The following NEK1 variants were observed in gnomAD, a reference collection of about 807,000 sequenced individuals.
NEK1 encodes serine/threonine-protein kinase Nek1.
NEK1 carries 137 observed loss-of-function variants against 182.1 expected under a neutral mutation model. The ratio of observed to expected loss-of-function variants is 0.75; its 90% confidence interval spans 0.65 to 0.87. The LOEUF is 0.87. Among genes scored for constraint, NEK1 ranks in the 40% least tolerant of loss-of-function variants. The pLI, the probability that NEK1 is intolerant of heterozygous loss-of-function variation, is 0.00. For synonymous variants in NEK1, 513 were observed against 492.2 expected (o/e 1.04, Z -0.56); for missense variants, 1,391 against 1,494.4 (o/e 0.93, Z 1.14).
At chr4:169,574,585 C>T (rs1269219788) in intron 12 of NEK1, among the ~76,000 whole-genome samples, 8 of 142,588 alleles carry the variant, frequency 5.6e-5, no homozygotes, top group African/African-American at 1.3e-4. Context: ...CCAGCCTGGG[C>T]GACAGAGGGA....
chr4:169,545,192 A>C (rs1580647378), intron 18 of NEK1, among the ~76,000 whole-genome samples: 2 of 127,652 alleles, frequency 1.6e-5, no homozygotes, highest in African/African-American at 2.9e-5. Flanking sequence ...TCCCAATGCT[A>C]TCCCTCCCCC....
intron 19 of NEK1, among the ~76,000 whole-genome samples, chr4:169,531,117 A>T (rs1757607346): frequency 6.6e-6 from 1 of 151,932 alleles, no homozygotes; most frequent in Non-Finnish European, 1.5e-5. Context: ...AGGCATTAAG[A>T]AATTGTAGCC....
chr4:169,599,374 A>C (rs1418115885), intron 4 of NEK1, among the ~76,000 whole-genome samples, 177 bp from the exon 5 acceptor site: 1 of 152,232 alleles, frequency 6.6e-6, no homozygotes, highest in Non-Finnish European at 1.5e-5. Flanking sequence ...ATAATGACTT[A>C]GGTTAACAGA....
intron 4 of NEK1, among the ~76,000 whole-genome samples, chr4:169,601,040 G>A (rs917909283): frequency 1.3e-5 from 2 of 152,122 alleles, no homozygotes; most frequent in South Asian, 4.1e-4. Flanking sequence ...GAAAATTCAA[G>A]GTCCTGAAAA....
chr4:169,588,971 A>G (rs1767980478), intron 7 of NEK1, among the ~76,000 whole-genome samples: 1 of 152,212 alleles, frequency 6.6e-6, no homozygotes, highest in Admixed American at 6.5e-5. Flanking sequence ...ACTCTACAGT[A>G]GCATACAGAA....
intron 27 of NEK1, among the ~76,000 whole-genome samples, chr4:169,456,602 A>G (rs2149483406): frequency 6.6e-6 from 1 of 152,362 alleles, no homozygotes; most frequent in South Asian, 2.1e-4. Context: ...AATAGATTGG[A>G]AAACTTAGAA....
intron 5 of NEK1, among the ~76,000 whole-genome samples, chr4:169,591,627 C>T (rs1768526265): frequency 6.6e-6 from 1 of 151,936 alleles, no homozygotes; most frequent in South Asian, 2.1e-4. Context: ...GGCTTAATTT[C>T]TATCTCATTG....
chr4:169,451,672 C>T (rs9759620), intron 27 of NEK1, among the ~76,000 whole-genome samples: 4,755 of 152,172 alleles, frequency 0.031, 192 homozygotes, highest in African/African-American at 0.087. Flanking sequence ...TAAATGCCCA[C>T]AAGAGAAAGC....
chr4:169,507,069 A>C lies in NEK1; in HGVS notation c.1975T>G (p.Tyr659Asp), dbSNP rs1334644904. 6.2e-7 allele frequency: 1 copy of C among 1,609,990 alleles called. No individual in the cohort carries two copies. Among genetic ancestry groups the C allele is most frequent in the Admixed American group, 1.7e-5 (1 of 59,878 alleles). Residue 659 changes from tyrosine to aspartate, a missense_variant, in exon 23 of 36, where the codon TAT (tyrosine) becomes GAT (aspartate). Physicochemically the swap from Tyr to Asp is radical, Grantham distance 160. Coordinates refer to ENST00000507142, the MANE Select transcript of NEK1 (RefSeq NM_001199397.3). ...EQLERKRKEA[Y>D]EREKKVWEEH... ...TCCCACACTTTTTTTTCTCTCTCAT[A>C]AGCCTCCTTTCTCTTTCGTTCTAGT... is the stretch of plus-strand genomic sequence containing the variant.
At chr4:169,592,600 T>G (rs1402569299) in intron 5 of NEK1, among the ~76,000 whole-genome samples, 1 of 152,094 alleles carries the variant, frequency 6.6e-6, no homozygotes, top group African/African-American at 2.4e-5. Context: ...TTAACAGTGT[T>G]TACCTCAGGG....
At chr4:169,440,798 T>C (rs1478961846) in intron 27 of NEK1, among the ~76,000 whole-genome samples, 2 of 152,186 alleles carry the variant, frequency 1.3e-5, no homozygotes, top group Non-Finnish European at 2.9e-5. Context: ...TCAAGCGCCC[T>C]GAGACTAGTA....
chr4:169,598,980 A>C, intron 5 of NEK1, 120 bp downstream of exon 5: 1 of 705,826 alleles, frequency 1.4e-6, no homozygotes, highest in Non-Finnish European at 2.4e-6. Flanking sequence ...CTATTGATAT[A>C]CTAAACTTCC....
At chr4:169,581,336 T>C (rs1474255160) in intron 10 of NEK1, among the ~76,000 whole-genome samples, 1 of 152,058 alleles carries the variant, frequency 6.6e-6, no homozygotes, top group Non-Finnish European at 1.5e-5. Context: ...GAGACAACAA[T>C]GGCTCACTGC....
chr4:169,585,640 T>C (rs1362178638), intron 9 of NEK1, 91 bp from the exon 10 acceptor site: 10 of 782,580 alleles, frequency 1.3e-5, no homozygotes, highest in Non-Finnish European at 2.0e-5. Flanking sequence ...TTCCTACCAA[T>C]ATAGAATAGA....
chr4:169,585,727 G>A (rs1402031745), intron 9 of NEK1, among the ~76,000 whole-genome samples, 178 bp from the exon 10 acceptor site: 2 of 151,942 alleles, frequency 1.3e-5, no homozygotes, highest in Non-Finnish European at 2.9e-5. Flanking sequence ...ATTAATATCA[G>A]CCCTCAAAAA....
intron 31 of NEK1, among the ~76,000 whole-genome samples, chr4:169,413,728 T>C (rs1436244117): frequency 6.6e-6 from 1 of 152,160 alleles, no homozygotes; most frequent in Non-Finnish European, 1.5e-5. Context: ...GAGACAACAG[T>C]ATTAATGGCC....
intron 27 of NEK1, among the ~76,000 whole-genome samples, chr4:169,445,865 T>TATATATATATACACACACAC (rs569539235): frequency 5.1e-4 from 73 of 143,270 alleles, no homozygotes; most frequent in African/African-American, 1.9e-3. Context: ...TATATATATA[T>TATATATATATACACACACAC]ACACACACAC....
chr4:169,507,847 C>T, intron 21 of NEK1, 55 bp from the exon 22 acceptor site: 2 of 1,255,724 alleles, frequency 1.6e-6, no homozygotes, highest in Non-Finnish European at 2.3e-6. Flanking sequence ...AAATTGAGTG[C>T]AGAGCTCTGT....
chr4:169,505,754 G>A (rs1561312877), intron 23 of NEK1, among the ~76,000 whole-genome samples: 1 of 152,000 alleles, frequency 6.6e-6, no homozygotes. Context: ...CTAAAACCCA[G>A]AAAATTAACT....
Sources: allele counts gnomAD v4.1 joint callset (sites outside exome capture counted in the v4.1 genomes callset), GRCh38; gene constraint gnomAD v4.1.1; transcripts MANE v1.5; gene names NCBI Gene and HGNC (gene_info 2026-07-23, HGNC 2026-07-21).